DST: variants seen among roughly 807,000 people sequenced by gnomAD.
The protein encoded by DST is dystonin.
In DST, 253 loss-of-function variants were observed where a neutral mutation model predicts 875.2. The ratio of observed to expected loss-of-function variants is 0.29; its 90% CI spans 0.26 to 0.32. The LOEUF (loss-of-function observed/expected upper bound fraction) is 0.32, where lower values mean the gene tolerates loss of function less well. Among genes scored for constraint, DST ranks in the 10% least tolerant of loss-of-function variants. The pLI, the probability that DST is intolerant of heterozygous loss-of-function variation, is 1.00. For missense variants in DST, 8,287 were observed against 9,111.6 expected, an observed-to-expected ratio of 0.91 and a Z score of 3.68; for synonymous variants, 3,124 against 3,197.1, an observed-to-expected ratio of 0.98 and a Z score of 0.77.
chr6:56,558,999 C>T lies in DST; in HGVS notation c.14440+1295G>A, dbSNP rs548648768. Among the ~76,000 whole-genome samples the T allele has an allele frequency of 3.3e-5, 5 of 152,206 alleles. No homozygotes were observed. The East Asian group carries it at 9.6e-4, about 29-fold the overall frequency. On this transcript the variant is annotated intron_variant, in intron 58 of 103. Coordinates refer to ENST00000680361, the MANE Select transcript of DST (RefSeq NM_001374736.1). The stretch of plus-strand genomic sequence containing the variant: ...TTACTGATCAGAGCACTTCTTTCAG[C>T]ACTTCAACACAGTCACTCGATAAAT...
At chr6:56,790,881 C>T (rs548334068) in intron 4 of DST, among the ~76,000 whole-genome samples, 1 of 152,336 alleles carries the variant, frequency 6.6e-6, no homozygotes, top group African/African-American at 2.4e-5. Context: ...ATTGCCCACA[C>T]TTTGGCCAAC....
Position 56,602,948 on chromosome 6 carries a change from C to T in DST, c.11241G>A (p.Val3747=). The T allele has an allele frequency of 6.3e-7, 1 of 1,592,328 alleles. No homozygotes were observed. Among genetic ancestry groups the T allele is most frequent in the Non-Finnish European group, 8.5e-7 (1 of 1,173,992 alleles). The change falls in exon 43 of 104, where the codon GTG becomes GTA. Residue 3747 remains valine, a synonymous_variant. Coordinates refer to ENST00000680361, the MANE Select transcript of DST (RefSeq NM_001374736.1). ...SDWVSEKSKS[V]KDIEIVNVQD... ...GAACATTCACAATCTCAATATCCTTCACAGATTTGCTCTTCTCTGATACCC... is the reference window on the plus strand; with the variant it reads ...GAACATTCACAATCTCAATATCCTTTACAGATTTGCTCTTCTCTGATACCC...
At chr6:56,687,507 A>T (rs2099195701) in intron 9 of DST, among the ~76,000 whole-genome samples, 1 of 152,172 alleles carries the variant, frequency 6.6e-6, no homozygotes, top group Middle Eastern at 3.2e-3. Flanking sequence ...GAACCTTCTT[A>T]GTGTGAGAGA....
chr6:56,851,632 T>C (rs745441869), intron 3 of DST, 28 bp from the exon 4 acceptor site: 19 of 1,607,044 alleles, frequency 1.2e-5, no homozygotes, highest in Non-Finnish European at 1.6e-5. Flanking sequence ...GAAAAAGCAT[T>C]AACAGCAAAA....
At chr6:56,801,803 G>GC (rs957776740) in intron 4 of DST, among the ~76,000 whole-genome samples, 2 of 148,450 alleles carry the variant, frequency 1.3e-5, no homozygotes, top group African/African-American at 5.0e-5. Flanking sequence ...AGGCCGGAGC[G>GC]CGATGGTATG....
rs1043661511 is a variant in DST, at chr6:56,928,789, C to T, written c.216+24996G>A. ...TAGCTTCACTTACAGAAACTACAAA[C>T]GGAAGACATAATGTAAAAAAGACCT... On this transcript the variant is annotated intron_variant, in intron 2 of 103. Coordinates refer to ENST00000680361, the MANE Select transcript of DST (RefSeq NM_001374736.1). Among the ~76,000 whole-genome samples, 10 of 151,592 alleles carry T rather than the reference C, an allele frequency of 6.6e-5. No homozygotes were observed. In the South Asian group the frequency reaches 8.3e-4, roughly 13 times the overall value.
At chr6:56,619,636 C>A in intron 36 of DST, 2 of 1,613,776 alleles carry the variant, frequency 1.2e-6, no homozygotes, top group Non-Finnish European at 1.7e-6. Context: ...GATAATTGCG[C>A]TTTATTTTCT....
chr6:56,704,640 G>A (rs2099325819), intron 5 of DST, among the ~76,000 whole-genome samples: 1 of 152,128 alleles, frequency 6.6e-6, no homozygotes, highest in South Asian at 2.1e-4. Flanking sequence ...ACTACATGGG[G>A]TTACAATTCT....
intron 87 of DST, among the ~76,000 whole-genome samples, chr6:56,486,475 T>C (rs1479758673): frequency 6.7e-6 from 1 of 148,758 alleles, no homozygotes; most frequent in African/African-American, 2.5e-5. Context: ...CTGACAAAAA[T>C]CATTAAGATT....
intron 36 of DST, among the ~76,000 whole-genome samples, chr6:56,621,661 T>C (rs927969694): frequency 6.6e-6 from 1 of 152,066 alleles, no homozygotes; most frequent in Non-Finnish European, 1.5e-5. Flanking sequence ...CTGGGAGGAG[T>C]ATGCTTTACA....
intron 80 of DST, among the ~76,000 whole-genome samples, chr6:56,499,224 A>G (rs76483629): frequency 0.025 from 3,844 of 152,240 alleles, 74 homozygotes; most frequent in Non-Finnish European, 0.043. Context: ...CACATCACAC[A>G]TCTGGAAAGA....
intron 93 of DST, among the ~76,000 whole-genome samples, 171 bp from the exon 94 acceptor site, chr6:56,472,393 C>T (rs1464832049): frequency 6.6e-6 from 1 of 152,150 alleles, no homozygotes; most frequent in African/African-American, 2.4e-5. Context: ...ATCTGTTTTC[C>T]TTATTAAGGA....
chr6:56,634,361 G>A lies in DST; in HGVS notation c.3494+101C>T, dbSNP rs559288182. On this transcript the variant is annotated intron_variant, in intron 26 of 103. Transcript: ENST00000680361. ...AAATATTCCACGGATGAGTTCTAGA[G>A]ACTTTTGATCCTGTGGGGCCTTGAC... The A allele has an allele frequency of 2.1e-4, 344 of 1,607,106 alleles. 3 individuals are homozygous for A. The South Asian group carries it at 3.6e-3, about 17-fold the overall frequency.
chr6:56,488,974 C>A (rs2095652943), intron 86 of DST, among the ~76,000 whole-genome samples: 1 of 152,050 alleles, frequency 6.6e-6, no homozygotes, highest in Non-Finnish European at 1.5e-5. Context: ...TCTTTGGGTA[C>A]CTTTGAGGTT....
At chr6:56,629,154 G>A (rs1251934108) in intron 32 of DST, 96 bp downstream of exon 32, 2 of 1,198,060 alleles carry the variant, frequency 1.7e-6, no homozygotes, top group Non-Finnish European at 2.5e-6. Context: ...AATTAACTAT[G>A]GAAGTAAAAA....
chr6:56,813,359 A>G (rs2099762882), intron 4 of DST, among the ~76,000 whole-genome samples: 1 of 151,012 alleles, frequency 6.6e-6, no homozygotes, highest in African/African-American at 2.4e-5. Context: ...CATTGTGCAC[A>G]TGTACCCTAA....
Position 56,754,010 on chromosome 6 carries a change from A to C in DST, c.626-18721T>G, listed in dbSNP as rs532152197. On this transcript the variant is annotated intron_variant, in intron 4 of 103. Transcript: ENST00000680361. ...AAAGAACACAGTAATGCTTCTTAAA[A>C]TGGAGCTTTTTGTTTACATGAGCCA... Among the ~76,000 whole-genome samples the C allele has an allele frequency of 1.1e-4, 16 of 152,310 alleles. No individual in the cohort carries two copies. In the East Asian group the frequency reaches 2.7e-3, roughly 26 times the overall value.
chr6:56,481,930 G>A (rs903360856), intron 90 of DST, 120 bp downstream of exon 90: 1 of 1,087,296 alleles, frequency 9.2e-7, no homozygotes, highest in Admixed American at 2.1e-5. Flanking sequence ...AAATGTATCA[G>A]GTGTTTAAGT....
chr6:56,752,826 T>C (rs1178525888), intron 4 of DST, among the ~76,000 whole-genome samples: 1 of 152,132 alleles, frequency 6.6e-6, no homozygotes, highest in Non-Finnish European at 1.5e-5. Flanking sequence ...AGTTTTGCTC[T>C]TGTTGCCCAG....
Sources: gnomAD v4.1 joint callset for allele counts (sites outside exome capture counted in the v4.1 genomes callset) on GRCh38, gnomAD v4.1.1 for gene constraint, MANE v1.5 for transcripts, NCBI Gene and HGNC (gene_info 2026-07-23, HGNC 2026-07-21) for gene names.